Variants in ATP11B observed in about 807,000 individuals in gnomAD.
ATP11B encodes the protein ATPase phospholipid transporting 11B (putative).
In ATP11B, 81 loss-of-function variants were observed where a neutral mutation model predicts 157.8. The observed-to-expected ratio is 0.51, with a 90% CI of 0.43 to 0.62. The LOEUF (loss-of-function observed/expected upper bound fraction) is 0.62. ATP11B is among the 20% of genes least tolerant of loss of function. The probability of loss-of-function intolerance (pLI) is 0.00; values close to 1 mark genes in which losing one functional copy is unlikely to be tolerated. For synonymous variants in ATP11B, 451 were observed against 469.4 expected (o/e 0.96, Z 0.51); for missense variants, 1,165 against 1,402.2 (o/e 0.83, Z 2.70).
intron 12 of ATP11B, among the ~76,000 whole-genome samples, chr3:182,860,817 G>A (rs866425006): frequency 2.0e-5 from 3 of 151,866 alleles, no homozygotes. Flanking sequence ...TTTTAAAATT[G>A]CCTCTTATCC....
chr3:182,818,746 A>G lies in ATP11B; in HGVS notation c.28-1514A>G, dbSNP rs80219087. On this transcript the variant is annotated intron_variant, in intron 1 of 29. Transcript: ENST00000323116. Reference sequence around the variant, plus strand: ...TATGTCTGTGCTTAATGGAAATGCTACAAGGATGCTAAGTGTTGAATGGTA... The same window carrying G: ...TATGTCTGTGCTTAATGGAAATGCTGCAAGGATGCTAAGTGTTGAATGGTA... 3.5e-3 allele frequency among the ~76,000 whole-genome samples: 530 copies of G among 152,308 alleles called. 1 individual carries two copies. The highest frequency in any genetic ancestry group is 0.012 in the African/African-American group (518 of 41,558).
chr3:182,806,995 A>G (rs1244851680), intron 1 of ATP11B, among the ~76,000 whole-genome samples: 1 of 151,970 alleles, frequency 6.6e-6, no homozygotes, highest in Non-Finnish European at 1.5e-5. Flanking sequence ...TCAGCTCCTG[A>G]TTACAGAAAT....
chr3:182,864,761 G>C (rs1721101358), intron 12 of ATP11B, among the ~76,000 whole-genome samples: 1 of 151,950 alleles, frequency 6.6e-6, no homozygotes, highest in Non-Finnish European at 1.5e-5. Flanking sequence ...GCAGTAATCA[G>C]ATTTTCATGA....
At chr3:182,897,853 A>C (rs1374433331) in intron 27 of ATP11B, among the ~76,000 whole-genome samples, 1 of 152,144 alleles carries the variant, frequency 6.6e-6, no homozygotes, top group African/African-American at 2.4e-5. Context: ...AGTAGTATGC[A>C]TCATCTTCAT....
At chr3:182,861,480 G>C (rs1307191052) in intron 12 of ATP11B, among the ~76,000 whole-genome samples, 2 of 152,192 alleles carry the variant, frequency 1.3e-5, no homozygotes, top group Non-Finnish European at 2.9e-5. Flanking sequence ...AAGTTTGCCT[G>C]TGGAAGATAG....
chr3:182,908,289 G>A (rs773108777), intron 28 of ATP11B, among the ~76,000 whole-genome samples: 25 of 139,280 alleles, frequency 1.8e-4, no homozygotes, highest in South Asian at 6.8e-4. Context: ...GGCTCAATGC[G>A]ACCTCCACCT....
chr3:182,900,264 T>C (rs976426605), intron 28 of ATP11B, among the ~76,000 whole-genome samples: 1 of 152,236 alleles, frequency 6.6e-6, no homozygotes, highest in African/African-American at 2.4e-5. Flanking sequence ...ATCTGTGTCC[T>C]TGATCACTTC....
intron 1 of ATP11B, among the ~76,000 whole-genome samples, chr3:182,800,522 C>A (rs1020905089): frequency 3.3e-5 from 5 of 152,116 alleles, no homozygotes; most frequent in Non-Finnish European, 5.9e-5. Flanking sequence ...GCCACTGTGC[C>A]CAGACGATGT....
chr3:182,860,159 G>T (rs1305457163), intron 12 of ATP11B, among the ~76,000 whole-genome samples: 1 of 152,038 alleles, frequency 6.6e-6, no homozygotes, highest in Admixed American at 6.5e-5. Flanking sequence ...CTCTTTTGGT[G>T]CTGTACATCT....
rs145650016 is a variant in ATP11B at position 182,852,327 on chromosome 3, A to AT, written c.851+3772dup. 3.2e-3 allele frequency among the ~76,000 whole-genome samples: 488 copies of AT among 152,354 alleles called. 4 individuals carry two copies. The highest frequency in any genetic ancestry group is 0.011 in the African/African-American group (470 of 41,592). On this transcript the variant is annotated intron_variant, in intron 10 of 29. Coordinates refer to ENST00000323116, the MANE Select transcript of ATP11B (RefSeq NM_014616.3). Reference sequence around the variant, plus strand: ...GACAAATTCCTGCTGAGATTGACAGATTAAGCAAAAGAGAAGTGGTATAAG... The same window carrying AT: ...GACAAATTCCTGCTGAGATTGACAGATTTAAGCAAAAGAGAAGTGGTATAAG...
chr3:182,821,647 A>AT (rs2108499461), intron 2 of ATP11B, among the ~76,000 whole-genome samples: 1 of 152,346 alleles, frequency 6.6e-6, no homozygotes, highest in South Asian at 2.1e-4. Flanking sequence ...TATGATGGCC[A>AT]ATAAATTATA....
chr3:182,864,837 AAGT>A (rs1271859115), intron 12 of ATP11B, among the ~76,000 whole-genome samples: 2 of 152,088 alleles, frequency 1.3e-5, no homozygotes, highest in Non-Finnish European at 2.9e-5. Context: ...CTTTCTTTTA[AAGT>A]ACTTTTTCTG....
rs570793833 is a variant in ATP11B at position 182,854,678 on chromosome 3, G to A, written c.852-3200G>A. Among the ~76,000 whole-genome samples, 5 of 152,130 alleles carry A rather than the reference G, an allele frequency of 3.3e-5. No homozygotes were observed. The South Asian group carries it at 8.3e-4, about 25-fold the overall frequency. On this transcript the variant is annotated intron_variant, in intron 10 of 29. Transcript: ENST00000323116. ...AATGAACATACACGTTACAAACTGGGAGACAATATTTGCAAAACATGTATC... is the reference window on the plus strand; with the variant it reads ...AATGAACATACACGTTACAAACTGGAAGACAATATTTGCAAAACATGTATC...
At chr3:182,906,057 G>T (rs767677978) in intron 28 of ATP11B, 1 of 316,314 alleles carries the variant, frequency 3.2e-6, no homozygotes, top group East Asian at 7.7e-5. Flanking sequence ...TTTTAGTTTC[G>T]TTGTTTTCCT....
chr3:182,854,477 C>A (rs1368669486), intron 10 of ATP11B, among the ~76,000 whole-genome samples: 1 of 41,548 alleles, frequency 2.4e-5, no homozygotes, highest in South Asian at 1.6e-3. Context: ...TCTAAAAAAA[C>A]AAAACAAAAC....
At chr3:182,857,843 G>A in intron 10 of ATP11B, 35 bp from the exon 11 acceptor site, 1 of 1,330,304 alleles carries the variant, frequency 7.5e-7, no homozygotes, top group Non-Finnish European at 1.1e-6. Flanking sequence ...TAATACATGA[G>A]TTGTATGTTT....
intron 1 of ATP11B, among the ~76,000 whole-genome samples, chr3:182,805,296 C>T (rs1180204556): frequency 2.0e-5 from 3 of 152,102 alleles, no homozygotes; most frequent in Non-Finnish European, 4.4e-5. Flanking sequence ...TTACTTTTGT[C>T]TGTCTTTTTG....
At chr3:182,906,257 T>G (rs2108589188) in intron 28 of ATP11B, among the ~76,000 whole-genome samples, 1 of 152,322 alleles carries the variant, frequency 6.6e-6, no homozygotes, top group East Asian at 1.9e-4. Flanking sequence ...GCTATTTCTG[T>G]TATCTCTGAA....
At chr3:182,870,937 A>AG (rs1158562424) in intron 17 of ATP11B, among the ~76,000 whole-genome samples, 1 of 151,430 alleles carries the variant, frequency 6.6e-6, no homozygotes, top group Non-Finnish European at 1.5e-5. Context: ...GAAAAAAAAA[A>AG]AAAAAAAGAA....
Sources: gnomAD v4.1 joint callset for allele counts (sites outside exome capture counted in the v4.1 genomes callset) on GRCh38, gnomAD v4.1.1 for gene constraint, MANE v1.5 for transcripts, NCBI Gene and HGNC (gene_info 2026-07-23, HGNC 2026-07-21) for gene names.